Variants in HECW1 observed in about 807,000 individuals in gnomAD.
The protein encoded by HECW1 is E3 ubiquitin-protein ligase HECW1.
HECW1 carries 61 observed loss-of-function variants against 182.3 expected under a neutral mutation model. That is an observed-to-expected ratio of 0.33 (90% CI 0.27 to 0.41). The LOEUF is 0.41. Ranked by LOEUF, HECW1 falls within the 10% of genes least tolerant of loss-of-function variation. The pLI is 1.00. For synonymous variants in HECW1, 859 were observed against 832.6 expected (o/e 1.03, Z -0.55); for missense variants, 1,739 against 2,108.9 (o/e 0.82, Z 3.44).
At chr7:43,297,613 G>A (rs144031877) in intron 3 of HECW1, among the ~76,000 whole-genome samples, 1 of 152,276 alleles carries the variant, frequency 6.6e-6, no homozygotes, top group African/African-American at 2.4e-5. Flanking sequence ...TCCTGTAATC[G>A]AGATGAAAAT....
rs544956173 is a variant in HECW1, at chr7:43,266,817, G to A, written c.27+22885G>A. ...ATTCATCTATATTCTATTTAAAAGAGACACGCAAAAGGAATGATTAAAAGT... is the reference window on the plus strand; with the variant it reads ...ATTCATCTATATTCTATTTAAAAGAAACACGCAAAAGGAATGATTAAAAGT... On this transcript the variant is annotated intron_variant, in intron 3 of 29. Transcript: ENST00000395891. Among the ~76,000 whole-genome samples, 3 of 152,148 alleles carry A rather than the reference G, an allele frequency of 2.0e-5. No individual in the cohort carries two copies. The South Asian group carries it at 6.2e-4, about 32-fold the overall frequency.
chr7:43,368,844 A>G (rs1352408039), intron 6 of HECW1, among the ~76,000 whole-genome samples: 6 of 152,220 alleles, frequency 3.9e-5, no homozygotes, highest in Non-Finnish European at 8.8e-5. Flanking sequence ...AAAACGCCAA[A>G]TAGCATTCTG....
chr7:43,459,458 A>G (rs1319145429), intron 13 of HECW1, among the ~76,000 whole-genome samples: 1 of 152,128 alleles, frequency 6.6e-6, no homozygotes, highest in Non-Finnish European at 1.5e-5. Context: ...TTTTTTAATT[A>G]TTTGTATAAA....
chr7:43,346,687 T>C (rs553002939), intron 5 of HECW1, among the ~76,000 whole-genome samples: 12 of 152,306 alleles, frequency 7.9e-5, no homozygotes, highest in Admixed American at 7.8e-4. Context: ...GATGTGAGGA[T>C]CCAGTTTCAT....
At chr7:43,402,514 A>G (rs953567188) in intron 7 of HECW1, among the ~76,000 whole-genome samples, 2 of 152,170 alleles carry the variant, frequency 1.3e-5, no homozygotes, top group Admixed American at 6.5e-5. Flanking sequence ...AGATTTTCAT[A>G]TATGTGGGAA....
At chr7:43,266,252 A>G (rs79613988) in intron 3 of HECW1, among the ~76,000 whole-genome samples, 8,202 of 152,216 alleles carry the variant, frequency 0.054, 297 homozygotes, top group Middle Eastern at 0.11. Context: ...CCTCATTACC[A>G]TAAACTCTGG....
At chr7:43,187,561 G>T (rs1157730344) in intron 2 of HECW1, among the ~76,000 whole-genome samples, 4 of 148,496 alleles carry the variant, frequency 2.7e-5, no homozygotes, top group Non-Finnish European at 4.4e-5. Context: ...AATCGTTTTT[G>T]TGACTTCTAT....
At chr7:43,421,235 A>G (rs573032708) in intron 8 of HECW1, among the ~76,000 whole-genome samples, 2 of 152,360 alleles carry the variant, frequency 1.3e-5, no homozygotes, top group East Asian at 1.9e-4. Context: ...TTTGCTGTCC[A>G]TACAGAAAAG....
At chr7:43,372,180 C>T (rs1474964989) in intron 6 of HECW1, among the ~76,000 whole-genome samples, 2 of 152,054 alleles carry the variant, frequency 1.3e-5, no homozygotes, top group African/African-American at 2.4e-5. Flanking sequence ...AATATTACCC[C>T]ATTGATGTAG....
chr7:43,405,281 T>TA (rs754250634), intron 7 of HECW1, among the ~76,000 whole-genome samples: 1 of 152,158 alleles, frequency 6.6e-6, no homozygotes, highest in African/African-American at 2.4e-5. Flanking sequence ...CACACTCTAA[T>TA]AAGTCAGGAT....
chr7:43,405,504 A>C (rs1462303717), intron 7 of HECW1, among the ~76,000 whole-genome samples: 2 of 152,172 alleles, frequency 1.3e-5, no homozygotes, highest in Non-Finnish European at 2.9e-5. Flanking sequence ...TCATTCCCCC[A>C]GCGTGAACTG....
intron 27 of HECW1, among the ~76,000 whole-genome samples, chr7:43,551,943 T>C (rs1169061780): frequency 6.7e-6 from 1 of 150,372 alleles, no homozygotes; most frequent in African/African-American, 2.4e-5. Context: ...GCGTGTTTAA[T>C]AAAAGCATGA....
intron 26 of HECW1, among the ~76,000 whole-genome samples, chr7:43,547,679 C>T (rs1226898683): frequency 2.6e-5 from 4 of 152,188 alleles, no homozygotes. Context: ...TACAATGGTC[C>T]CTATGCTGGA....
intron 6 of HECW1, among the ~76,000 whole-genome samples, chr7:43,368,870 G>T (rs1347743745): frequency 1.3e-5 from 2 of 152,032 alleles, no homozygotes; most frequent in Non-Finnish European, 2.9e-5. Flanking sequence ...CCCAATAGTT[G>T]GTTCTAAACC....
At chr7:43,331,768 G>A (rs1464115751) in intron 5 of HECW1, among the ~76,000 whole-genome samples, 1 of 152,226 alleles carries the variant, frequency 6.6e-6, no homozygotes, top group Admixed American at 6.5e-5. Context: ...CTTATTCTCT[G>A]AGCATCATGG....
Position 43,562,902 on chromosome 7 carries a change from GAA to G in HECW1, c.*984_*985del. 4.7e-6 allele frequency: 1 copy of G among 211,998 alleles called. No homozygotes were observed. The highest frequency in any genetic ancestry group is 9.5e-6 in the Non-Finnish European group (1 of 105,544). The allele number at this position is 211,998 out of a possible 1,614,324, so 13.1% of individuals were successfully genotyped here. A position where few individuals can be genotyped will look rare whatever the true frequency, so the allele number is the denominator to read the frequency against. ...AGTCTAGCCACAGTTCTTCACAAAG[GAA>G]AAAAAAATGTGTAGATGATACCATG... is the stretch of plus-strand genomic sequence containing the variant. On this transcript the variant is annotated 3_prime_UTR_variant, in exon 30 of 30. Transcript: ENST00000395891.
intron 8 of HECW1, among the ~76,000 whole-genome samples, chr7:43,437,112 C>T (rs10235629): frequency 6.6e-6 from 1 of 152,144 alleles, no homozygotes; most frequent in Non-Finnish European, 1.5e-5. Context: ...ACTTCCTGGA[C>T]TTCAGTTTGG....
At chr7:43,410,903 C>G (rs1209901896) in intron 8 of HECW1, among the ~76,000 whole-genome samples, 1 of 151,882 alleles carries the variant, frequency 6.6e-6, no homozygotes, top group African/African-American at 2.4e-5. Flanking sequence ...TGTTTGTTAA[C>G]CAATCTAAAT....
At chr7:43,504,510 C>G (rs2079498591) in intron 21 of HECW1, among the ~76,000 whole-genome samples, 1 of 152,214 alleles carries the variant, frequency 6.6e-6, no homozygotes, top group Non-Finnish European at 1.5e-5. Context: ...CCCTGGCCCT[C>G]TCCGTTTTGT....
Sources: gnomAD v4.1 joint callset for allele counts (sites outside exome capture counted in the v4.1 genomes callset) on GRCh38, gnomAD v4.1.1 for gene constraint, MANE v1.5 for transcripts, NCBI Gene and HGNC (gene_info 2026-07-23, HGNC 2026-07-21) for gene names.